The following ADAMTS5 variants were observed in gnomAD, a reference collection of about 807,000 sequenced individuals.
ADAMTS5 encodes A disintegrin and metalloproteinase with thrombospondin motifs 5.
Under a neutral mutation model 81.4 loss-of-function variants are expected in ADAMTS5, and 54 were observed. That is an observed-to-expected ratio of 0.66 (90% CI 0.53 to 0.83). The LOEUF (loss-of-function observed/expected upper bound fraction) is 0.83, where lower values mean the gene tolerates loss of function less well. ADAMTS5 is among the 40% of genes least tolerant of loss of function. The probability of loss-of-function intolerance (pLI) is 0.00; values close to 1 mark genes in which losing one functional copy is unlikely to be tolerated. For synonymous variants in ADAMTS5, 532 were observed against 508.8 expected (o/e 1.05, Z -0.61); for missense variants, 1,194 against 1,229.9 (o/e 0.97, Z 0.44).
At position 26,919,471 on chromosome 21, in the gene ADAMTS5, G is replaced by GT. The variant is rs1986647538; in HGVS notation, c.*4581dup. ...TGGGCTAACTAATGTGTATGTTAATGTCTTTTTTTTTTCAAAACCAACATC... is the reference window on the plus strand; with the variant it reads ...TGGGCTAACTAATGTGTATGTTAATGTTCTTTTTTTTTTCAAAACCAACATC... On this transcript the variant is annotated 3_prime_UTR_variant, in exon 8 of 8. Coordinates refer to ENST00000284987, the MANE Select transcript of ADAMTS5 (RefSeq NM_007038.5). 1 of 114,066 alleles carries GT rather than the reference G, an allele frequency of 8.8e-6. No individual in the cohort carries two copies. Among genetic ancestry groups the GT allele is most frequent in the Admixed American group, 8.9e-5 (1 of 11,194 alleles). 7.1% of individuals were successfully genotyped at this position (114,066 alleles called of 1,614,324 possible).
intron 3 of ADAMTS5, among the ~76,000 whole-genome samples, chr21:26,935,435 C>G (rs1490501459): frequency 6.6e-6 from 1 of 152,000 alleles, no homozygotes; most frequent in Non-Finnish European, 1.5e-5. Context: ...TTCTCTCAGA[C>G]TGATATAATT....
chr21:26,937,860 G>T (rs1987042473), intron 3 of ADAMTS5, among the ~76,000 whole-genome samples: 1 of 152,120 alleles, frequency 6.6e-6, no homozygotes, highest in Non-Finnish European at 1.5e-5. Context: ...TCTGAAATTT[G>T]ATCTGGATCT....
At position 26,965,616 on chromosome 21, in the gene ADAMTS5, C is replaced by A. The variant is rs773983126; in HGVS notation, c.776G>T (p.Arg259Leu). 6.3e-7 allele frequency: 1 copy of A among 1,597,064 alleles called. No homozygotes were observed. The highest frequency in any genetic ancestry group is 8.5e-7 in the Non-Finnish European group (1 of 1,173,480). ...GCGGGCCCGGGAGATGGAGCGGCGC[C>A]GCCGCCGCCACCACGTCTGCGGTCC... ...GSGPQTWWRR[R>L]RRSISRARQV... Residue 259 changes from arginine (R) to leucine (L), a missense_variant, in exon 1 of 8, where the codon CGG becomes CTG. Arg to Leu is a moderately radical substitution (Grantham distance 102). Transcript: ENST00000284987.
At chr21:26,946,847 T>C (rs1568847184) in intron 2 of ADAMTS5, among the ~76,000 whole-genome samples, 1 of 152,146 alleles carries the variant, frequency 6.6e-6, no homozygotes, top group Non-Finnish European at 1.5e-5. Context: ...GAAATCCACA[T>C]AGAATGGCAA....
At position 26,954,760 on chromosome 21, in the gene ADAMTS5, A is replaced by C. The variant is rs1308184311; in HGVS notation, c.1216T>G (p.Phe406Val). 1 of 1,614,062 alleles carries C rather than the reference A, an allele frequency of 6.2e-7. No individual in the cohort carries two copies. The highest frequency in any genetic ancestry group is 8.5e-7 in the Non-Finnish European group (1 of 1,179,970). The change falls in exon 2 of 8, where the codon TTC becomes GTC. Residue 406 changes from phenylalanine to valine, a missense_variant. By Grantham distance (50) the Phe-to-Val change is conservative (BLOSUM62 -1). This residue lies in a region of ADAMTS5 where 696 missense variants were observed against 817.6 expected (regional missense o/e 0.85). Transcript: ENST00000284987. Reference protein sequence around the residue: ...VIEDDGLHAAFTVAHEIGHLL... With the variant: ...VIEDDGLHAAVTVAHEIGHLL... ...ATACCGATTTCGTGAGCCACAGTGA[A>C]GGCTGCGTGGAGGCCATCGTCTTCA...
In ADAMTS5 at chr21:26,932,994, A is replaced by G. The variant is rs1299146089; in HGVS notation, c.1740T>C (p.Ser580=). Residue 580 remains serine (S), a synonymous_variant, in exon 5 of 8, where the codon TCT becomes TCC. Transcript: ENST00000284987. ...ACTGCACTCCTCCTCCACATGAGCGAGAACACTGGCCCCAGGATCCCCAAG... is the reference window on the plus strand; with the variant it reads ...ACTGCACTCCTCCTCCACATGAGCGGGAACACTGGCCCCAGGATCCCCAAG... The part of the protein sequence containing the change: ...WGSWGSWGQC[S]RSCGGGVQFA... 6.2e-7 allele frequency: 1 copy of G among 1,613,980 alleles called. No homozygotes were observed. Among genetic ancestry groups the G allele is most frequent in the Non-Finnish European group, 8.5e-7 (1 of 1,179,990 alleles).
At chr21:26,964,516 C>T (rs1987597807) in intron 1 of ADAMTS5, among the ~76,000 whole-genome samples, 3 of 152,216 alleles carry the variant, frequency 2.0e-5, no homozygotes, top group Admixed American at 1.3e-4. Flanking sequence ...TCATCCAAAA[C>T]CCAAACACGC....
chr21:26,957,146 T>C (rs1354359381), intron 1 of ADAMTS5, among the ~76,000 whole-genome samples: 2 of 152,232 alleles, frequency 1.3e-5, no homozygotes, highest in Non-Finnish European at 2.9e-5. Flanking sequence ...GTGAACAATG[T>C]TCATTTCAAT....
chr21:26,955,790 T>C (rs915015757), intron 1 of ADAMTS5, among the ~76,000 whole-genome samples: 2 of 152,168 alleles, frequency 1.3e-5, no homozygotes, highest in Non-Finnish European at 2.9e-5. Flanking sequence ...ACCACAATTT[T>C]CCATGAAAAT....
intron 6 of ADAMTS5, among the ~76,000 whole-genome samples, chr21:26,931,443 C>G (rs1021318674): frequency 6.6e-6 from 1 of 152,142 alleles, no homozygotes; most frequent in African/African-American, 2.4e-5. Context: ...AGAAAATGCT[C>G]ACTTGTGAAA....
chr21:26,957,480 T>TAGATAG (rs1987450738), intron 1 of ADAMTS5, among the ~76,000 whole-genome samples: 1 of 147,336 alleles, frequency 6.8e-6, no homozygotes, highest in African/African-American at 2.6e-5. Flanking sequence ...TAGATAGATA[T>TAGATAG]AATCTAGACC....
intron 7 of ADAMTS5, among the ~76,000 whole-genome samples, chr21:26,927,628 A>G (rs1037897372): frequency 2.0e-5 from 3 of 152,186 alleles, no homozygotes; most frequent in African/African-American, 7.2e-5. Context: ...CTTAGAGATT[A>G]CAAAACAGTC....
At chr21:26,934,350 A>G (rs1038686219) in intron 4 of ADAMTS5, 116 bp downstream of exon 4, 27 of 1,363,658 alleles carry the variant, frequency 2.0e-5, no homozygotes, top group Non-Finnish European at 2.7e-5. Context: ...AAACCTCAAA[A>G]TGAAAAGTTT....
intron 2 of ADAMTS5, among the ~76,000 whole-genome samples, chr21:26,947,918 A>G (rs1212679357): frequency 4.6e-5 from 7 of 152,234 alleles, no homozygotes; most frequent in African/African-American, 1.7e-4. Context: ...ATGATAAATT[A>G]TGTCAGAGTA....
Position 26,923,982 on chromosome 21 carries a change from C to T in ADAMTS5, c.*71G>A. 1 of 1,459,102 alleles carries T rather than the reference C, an allele frequency of 6.9e-7. No individual in the cohort carries two copies. Among genetic ancestry groups the T allele is most frequent in the Non-Finnish European group, 9.2e-7 (1 of 1,086,148 alleles). The allele number at this position is 1,459,102 out of a possible 1,614,324, so 90.4% of individuals were successfully genotyped here. The stretch of plus-strand genomic sequence containing the variant: ...ATGACTTTCTGTGCGTTAGGTAGAC[C>T]TCCTGTTCACCACGACTGCATCAGT... On this transcript the variant is annotated 3_prime_UTR_variant, in exon 8 of 8. Coordinates refer to ENST00000284987, the MANE Select transcript of ADAMTS5 (RefSeq NM_007038.5).
chr21:26,949,544 G>GA (rs765442499), intron 2 of ADAMTS5, among the ~76,000 whole-genome samples: 18 of 151,668 alleles, frequency 1.2e-4, no homozygotes, highest in Non-Finnish European at 2.4e-4. Flanking sequence ...AAACATAAAA[G>GA]AAAAAAAATC....
Position 26,943,480 on chromosome 21 carries a change from A to C in ADAMTS5, c.1305T>G (p.Asp435Glu). 1 of 1,613,808 alleles carries C rather than the reference A, an allele frequency of 6.2e-7. No individual in the cohort carries two copies. Among genetic ancestry groups the C allele is most frequent in the South Asian group, 1.1e-5 (1 of 91,066 alleles). ...FCEETFGSTE[D>E]KRLMSSILTS... ...TAAGGATGGAAGACATTAAGCGCTT[A>C]TCTTCTGTGGAACCAAAGGTCTCTT... Residue 435 changes from aspartate (D) to glutamate (E), a missense_variant, in exon 3 of 8, where the codon GAT (aspartate) becomes GAG (glutamate). Physicochemically the swap from Asp to Glu is conservative, Grantham distance 45. Around this residue, in one of 2 missense-constraint regions of ADAMTS5, gnomAD observed 696 missense variants for 817.6 expected, o/e 0.85. Transcript: ENST00000284987.
intron 4 of ADAMTS5, 66 bp downstream of exon 4, chr21:26,934,400 A>G: frequency 6.3e-7 from 1 of 1,582,754 alleles, no homozygotes; most frequent in Non-Finnish European, 8.6e-7. Flanking sequence ...CAGTGCCCAT[A>G]CCCATCACAA....
chr21:26,937,540 G>A (rs1987036509), intron 3 of ADAMTS5, among the ~76,000 whole-genome samples: 1 of 152,148 alleles, frequency 6.6e-6, no homozygotes, highest in South Asian at 2.1e-4. Context: ...ATAGGTACAA[G>A]CATCTCTACC....
Sources: allele counts gnomAD v4.1 joint callset (sites outside exome capture counted in the v4.1 genomes callset), GRCh38; gene constraint gnomAD v4.1.1; regional missense constraint gnomAD v4.1.1; transcripts MANE v1.5; gene names NCBI Gene and HGNC (gene_info 2026-07-23, HGNC 2026-07-21).